Variants in RYR2 observed in about 807,000 individuals in gnomAD.
RYR2 encodes the protein cardiac muscle ryanodine receptor-calcium release channel.
A neutral mutation model predicts 601.1 loss-of-function variants in RYR2; 227 were observed. The observed-to-expected ratio is 0.38, with a 90% CI of 0.34 to 0.42. The LOEUF (loss-of-function observed/expected upper bound fraction) is 0.42. Ranked by LOEUF, RYR2 falls within the 10% of genes least tolerant of loss-of-function variation. RYR2 has a pLI of 1.00. For synonymous variants in RYR2, 2,223 were observed against 2,175.1 expected, an observed-to-expected ratio of 1.02 and a Z score of -0.61; for missense variants, 4,646 against 6,156.5, an observed-to-expected ratio of 0.75 and a Z score of 8.21.
chr1:237,260,664 C>A (rs914918353), intron 1 of RYR2, among the ~76,000 whole-genome samples: 10 of 152,262 alleles, frequency 6.6e-5, no homozygotes, highest in African/African-American at 2.4e-4. Flanking sequence ...GAGACCCTGT[C>A]TCTACAAAAA....
At chr1:237,194,399 G>A (rs1462027227) in intron 1 of RYR2, among the ~76,000 whole-genome samples, 1 of 152,126 alleles carries the variant, frequency 6.6e-6, no homozygotes, top group African/African-American at 2.4e-5. Context: ...CAGCGGCAAG[G>A]AGCTCATAGT....
intron 80 of RYR2, among the ~76,000 whole-genome samples, chr1:237,753,085 A>G (rs1478871987): frequency 6.6e-6 from 1 of 152,232 alleles, no homozygotes; most frequent in Non-Finnish European, 1.5e-5. Flanking sequence ...GTTCTGCCCC[A>G]GAGGTCAATG....
chr1:237,671,034 T>A (rs1684879252), intron 58 of RYR2, among the ~76,000 whole-genome samples: 1 of 152,234 alleles, frequency 6.6e-6, no homozygotes. Context: ...TCCATACTTC[T>A]GCATACAACT....
rs577846733 is a variant in RYR2, at chr1:237,106,550, C to T, written c.48+63981C>T. On this transcript the variant is annotated intron_variant, in intron 1 of 104. Coordinates refer to ENST00000366574, the MANE Select transcript of RYR2 (RefSeq NM_001035.3). This position sits in a 1 kb window ranked among gnomAD's most constrained non-coding sequence, Gnocchi z 4.4. ...TTCATTCTGGAAATGTGGGGGTTTT[C>T]GCTGTCTGTCAGAGAGTCGTGGAGC... Among the ~76,000 whole-genome samples the T allele has an allele frequency of 3.8e-4, 58 of 152,202 alleles. No individual in the cohort carries two copies. Among genetic ancestry groups the T allele is most frequent in the Non-Finnish European group, 5.0e-4 (34 of 68,008 alleles).
At chr1:237,163,355 A>ACCCCCCC (rs67343728) in intron 1 of RYR2, among the ~76,000 whole-genome samples, 1 of 90,280 alleles carries the variant, frequency 1.1e-5, no homozygotes, top group African/African-American at 5.9e-5. Flanking sequence ...CCAACCCCCT[A>ACCCCCCC]CCCCCCCCAC....
At position 237,454,416 on chromosome 1, in the gene RYR2, G is replaced by A. The variant is rs371878264; in HGVS notation, c.1318G>A (p.Ala440Thr). 32 of 1,611,352 alleles carry A rather than the reference G, an allele frequency of 2.0e-5. No homozygotes were observed. In the African/African-American group the frequency reaches 2.5e-4, roughly 13 times the overall value. The part of the protein sequence containing the change: ...IRGLDALSKK[A>T]KASTVDLPIE... ...GGGCCTTGATGCTCTCAGCAAGAAA[G>A]CGAAGGCTTCCACAGTCGATTTGCC... Residue 440 changes from alanine to threonine, a missense_variant, in exon 15 of 105, where the codon GCG becomes ACG. Around this residue, in one of 17 missense-constraint regions of RYR2, gnomAD observed 1,807 missense variants for 2,088.1 expected, o/e 0.87. Transcript: ENST00000366574.
chr1:237,243,811 C>T (rs1282417585), intron 1 of RYR2, among the ~76,000 whole-genome samples: 3 of 152,138 alleles, frequency 2.0e-5, no homozygotes, highest in Middle Eastern at 3.2e-3. Flanking sequence ...AGTTATGAGC[C>T]AGGAACCAAT....
chr1:237,751,300 G>A (rs1262992538), intron 80 of RYR2, among the ~76,000 whole-genome samples: 1 of 152,180 alleles, frequency 6.6e-6, no homozygotes, highest in East Asian at 1.9e-4. Context: ...AATGACCGCT[G>A]TTTTAAATCA....
At chr1:237,618,238 T>C (rs1678692965) in intron 38 of RYR2, among the ~76,000 whole-genome samples, 1 of 152,132 alleles carries the variant, frequency 6.6e-6, no homozygotes, top group African/African-American at 2.4e-5. Flanking sequence ...GGATGTGGAA[T>C]TTTCTTAATT....
chr1:237,231,322 CTTTCT>C lies in RYR2; in HGVS notation c.49-39171_49-39167del, dbSNP rs202042999. ...AGTGTCTTTTTTTCTTTCTTTCTTTCTTTCTTTTTTTTTTTCTGAATAGAGATAGA... is the reference window on the plus strand; with the variant it reads ...AGTGTCTTTTTTTCTTTCTTTCTTTCTTTTTTTTTTCTGAATAGAGATAGA... On this transcript the variant is annotated intron_variant, in intron 1 of 104. Transcript: ENST00000366574. Among the ~76,000 whole-genome samples the C allele has an allele frequency of 5.7e-3, 853 of 149,726 alleles. 6 individuals carry two copies. The highest frequency in any genetic ancestry group is 0.02 in the African/African-American group (815 of 40,596).
intron 5 of RYR2, among the ~76,000 whole-genome samples, chr1:237,365,569 T>G (rs1055650635): frequency 6.6e-6 from 1 of 152,232 alleles, no homozygotes; most frequent in African/African-American, 2.4e-5. Flanking sequence ...ATCCCTAAAT[T>G]AGACGTATCA....
At chr1:237,781,046 A>T (rs1388281242) in intron 88 of RYR2, among the ~76,000 whole-genome samples, 1 of 151,778 alleles carries the variant, frequency 6.6e-6, no homozygotes, top group African/African-American at 2.4e-5. Context: ...CATTGTCGGT[A>T]CAAATACTTT....
chr1:237,594,319 G>A (rs1675558932), intron 33 of RYR2, among the ~76,000 whole-genome samples: 1 of 152,152 alleles, frequency 6.6e-6, no homozygotes, highest in Non-Finnish European at 1.5e-5. Context: ...CTCCGAAAGA[G>A]TCCTTTATAA....
At chr1:237,282,988 T>A (rs1028228141) in intron 2 of RYR2, among the ~76,000 whole-genome samples, 1 of 152,208 alleles carries the variant, frequency 6.6e-6, no homozygotes, top group Non-Finnish European at 1.5e-5. Context: ...TTATTTCACC[T>A]GTTGCCACTT....
intron 1 of RYR2, among the ~76,000 whole-genome samples, chr1:237,049,581 A>T (rs1661001303): frequency 6.6e-6 from 1 of 152,168 alleles, no homozygotes; most frequent in Non-Finnish European, 1.5e-5. Flanking sequence ...TCACCCTGGG[A>T]CTGGAAAGAA....
chr1:237,631,929 A>G (rs137892095), intron 42 of RYR2, among the ~76,000 whole-genome samples: 4,141 of 152,012 alleles, frequency 0.027, 67 homozygotes, highest in Non-Finnish European at 0.038. Flanking sequence ...CACCGCGCCC[A>G]GCCCAGATTG....
intron 10 of RYR2, among the ~76,000 whole-genome samples, chr1:237,416,276 A>T (rs544802846): frequency 6.6e-6 from 1 of 152,320 alleles, no homozygotes; most frequent in African/African-American, 2.4e-5. Context: ...ATGTGTTTAC[A>T]TAAGACAGAC....
chr1:237,072,625 TA>T (rs1022392368), intron 1 of RYR2, among the ~76,000 whole-genome samples: 18 of 152,110 alleles, frequency 1.2e-4, no homozygotes, highest in Middle Eastern at 3.4e-3. Context: ...TATTTAATCT[TA>T]AAAAAAATCT....
chr1:237,741,206 G>A (rs186286398), intron 79 of RYR2, among the ~76,000 whole-genome samples: 10 of 152,108 alleles, frequency 6.6e-5, no homozygotes, highest in East Asian at 5.8e-4. Flanking sequence ...AAACAGAAAG[G>A]GTAGTATATA....
Sources: gnomAD v4.1 joint callset for allele counts (sites outside exome capture counted in the v4.1 genomes callset) on GRCh38, gnomAD v4.1.1 for gene constraint, gnomAD v4.1.1 regional missense constraint, Gnocchi (gnomAD v3.1) non-coding constraint, MANE v1.5 for transcripts, NCBI Gene and HGNC (gene_info 2026-07-23, HGNC 2026-07-21) for gene names.